The following AMPD3 variants were observed in gnomAD, a reference collection of about 807,000 sequenced individuals.
The protein encoded by AMPD3 is adenosine monophosphate deaminase 3.
AMPD3 carries 57 observed loss-of-function variants against 82.3 expected under a neutral mutation model. The observed-to-expected ratio is 0.69, with a 90% CI of 0.56 to 0.86. The LOEUF (loss-of-function observed/expected upper bound fraction) is 0.86, where lower values mean the gene tolerates loss of function less well. Ranked by LOEUF, AMPD3 falls within the 40% of genes least tolerant of loss-of-function variation. The pLI is 0.00. For synonymous variants in AMPD3, 381 were observed against 394.7 expected, an observed-to-expected ratio of 0.97 and a Z score of 0.41; for missense variants, 870 against 1,003.8, an observed-to-expected ratio of 0.87 and a Z score of 1.80.
intron 6 of AMPD3, 143 bp from the exon 7 acceptor site, chr11:10,493,206 G>C (rs1194937332): frequency 1.2e-5 from 11 of 921,958 alleles, no homozygotes; most frequent in Middle Eastern, 3.2e-4. Flanking sequence ...AGGAGAAATG[G>C]GGGGTGGGAT....
chr11:10,502,155 T>C, intron 12 of AMPD3: 1 of 985,424 alleles, frequency 1.0e-6, no homozygotes, highest in South Asian at 4.7e-5. Context: ...ATTGGCACGA[T>C]GTTTGATCAA....
chr11:10,486,016 T>C (rs1008047099), intron 5 of AMPD3, among the ~76,000 whole-genome samples: 2 of 151,784 alleles, frequency 1.3e-5, no homozygotes, highest in African/African-American at 4.8e-5. Context: ...GAAAGTAGCA[T>C]AGTGAGCCCA....
At chr11:10,451,777 C>T (rs1315931555), upstream of AMPD3, among the ~76,000 whole-genome samples, 1 of 152,232 alleles carries the variant, frequency 6.6e-6, no homozygotes, top group Non-Finnish European at 1.5e-5. Flanking sequence ...TGTTGGCTTT[C>T]CCTCAGGATG....
chr11:10,462,404 G>A (rs1326936051), intron 2 of AMPD3, among the ~76,000 whole-genome samples: 1 of 152,188 alleles, frequency 6.6e-6, no homozygotes, highest in African/African-American at 2.4e-5. Flanking sequence ...GAAAGCAGTA[G>A]TGTTTCTGGA....
chr11:10,482,113 A>G lies in AMPD3; in HGVS notation c.477A>G (p.Leu159=), dbSNP rs746644069. 1.9e-6 allele frequency: 3 copies of G among 1,614,076 alleles called. No homozygotes were observed. The highest frequency in any genetic ancestry group is 2.7e-5 in the African/African-American group (2 of 74,938). The part of the protein sequence containing the change: ...EQAAKSLAKA[L]MIREKYARLA... ...CAGCCAAGAGTCTGGCCAAGGCCCTAATGATCCGGGAGAAGTATGCGCGGC... is the reference window on the plus strand; with the variant it reads ...CAGCCAAGAGTCTGGCCAAGGCCCTGATGATCCGGGAGAAGTATGCGCGGC... Residue 159 remains leucine, a synonymous_variant, in exon 4 of 15, where the codon CTA becomes CTG. Coordinates refer to ENST00000396553, the MANE Select transcript of AMPD3 (RefSeq NM_001025389.2).
chr11:10,493,647 G>A (rs1849306065), intron 7 of AMPD3, 104 bp downstream of exon 7: 2 of 1,309,950 alleles, frequency 1.5e-6, no homozygotes, highest in African/African-American at 2.9e-5. Flanking sequence ...AGGTGCTACG[G>A]AAGCAGCTTT....
At position 10,506,473 on chromosome 11, in the gene AMPD3, C is replaced by T. The variant is rs1264635582; in HGVS notation, c.*589C>T. The T allele has an allele frequency of 6.1e-6, 1 of 163,960 alleles. No individual in the cohort carries two copies. Among genetic ancestry groups the T allele is most frequent in the Non-Finnish European group, 1.3e-5 (1 of 74,654 alleles). The allele number at this position is 163,960 out of a possible 1,614,324, so 10.2% of individuals were successfully genotyped here. ...AGCCAAATGTACTCATGAAAACAGC[C>T]ACTCCTATTCTGAGTCTTGGTTTCT... On this transcript the variant is annotated 3_prime_UTR_variant, in exon 15 of 15. Transcript: ENST00000396553. This position sits in a 1 kb window ranked among gnomAD's most constrained non-coding sequence, Gnocchi z 4.1.
intron 12 of AMPD3, chr11:10,502,505 G>C (rs1295463667): frequency 1.0e-6 from 1 of 985,362 alleles, no homozygotes; most frequent in Non-Finnish European, 1.2e-6. Flanking sequence ...GCACCAGGGA[G>C]GGCTGGCATG....
chr11:10,500,239 A>T lies in AMPD3; in HGVS notation c.1711A>T (p.Asn571Tyr). 1 of 1,614,216 alleles carries T rather than the reference A, an allele frequency of 6.2e-7. No homozygotes were observed. The highest frequency in any genetic ancestry group is 8.5e-7 in the Non-Finnish European group (1 of 1,180,036). Residue 571 changes from asparagine to tyrosine, a missense_variant, in exon 11 of 15, where the codon AAC becomes TAC. By Grantham distance (143) the Asn-to-Tyr change is moderately radical. Coordinates refer to ENST00000396553, the MANE Select transcript of AMPD3 (RefSeq NM_001025389.2). ...GTATGCCAACATCATGGTGCTCAAC[A>T]ACCTCCGCAGGTGCGTGAGGCCTGC... Reference protein sequence around the residue: ...YMYANIMVLNNLRRERGLSTF... With the variant: ...YMYANIMVLNYLRRERGLSTF...
At chr11:10,476,144 A>G (rs1014451262) in intron 2 of AMPD3, among the ~76,000 whole-genome samples, 2 of 152,186 alleles carry the variant, frequency 1.3e-5, no homozygotes, top group African/African-American at 4.8e-5. Context: ...AGCTTTTCCA[A>G]TTTCCTGAGA....
intron 3 of AMPD3, among the ~76,000 whole-genome samples, chr11:10,480,147 G>C (rs897050998): frequency 6.6e-6 from 1 of 152,284 alleles, no homozygotes; most frequent in South Asian, 2.1e-4. Context: ...GTGTCTGTGA[G>C]AGGCAGGCTG....
chr11:10,503,654 A>C (rs1453823975), intron 13 of AMPD3, among the ~76,000 whole-genome samples: 2 of 152,246 alleles, frequency 1.3e-5, no homozygotes, highest in African/African-American at 2.4e-5. Flanking sequence ...CACATCAATA[A>C]ACCAATGAAA....
intron 10 of AMPD3, among the ~76,000 whole-genome samples, chr11:10,498,067 T>C: frequency 6.6e-6 from 1 of 152,194 alleles, no homozygotes; most frequent in East Asian, 1.9e-4. Context: ...TGGAATGCGT[T>C]TCCAGGCAGG....
intron 11 of AMPD3, chr11:10,500,875 C>G: frequency 1.2e-5 from 12 of 985,460 alleles, no homozygotes; most frequent in Non-Finnish European, 1.4e-5. Context: ...CCCTACAAGT[C>G]TTGCATCCCA....
At chr11:10,493,176 A>G (rs1849288144) in intron 6 of AMPD3, among the ~76,000 whole-genome samples, 173 bp from the exon 7 acceptor site, 1 of 152,140 alleles carries the variant, frequency 6.6e-6, no homozygotes, top group Non-Finnish European at 1.5e-5. Flanking sequence ...AAAGGGAGGG[A>G]TACCAGTTCC....
chr11:10,478,933 G>A lies in AMPD3; in HGVS notation c.426+203G>A, dbSNP rs190677285. On this transcript the variant is annotated intron_variant, in intron 3 of 14. Coordinates refer to ENST00000396553, the MANE Select transcript of AMPD3 (RefSeq NM_001025389.2). ...GTGTCTCGGTGGCTGCCTGTTCCCC[G>A]TGAGGAGGGTCCCGGGGTGCAGGCT... is the stretch of plus-strand genomic sequence containing the variant. Among the ~76,000 whole-genome samples the A allele has an allele frequency of 4.1e-5, 6 of 144,742 alleles. 1 individual carries two copies. The highest frequency in any genetic ancestry group is 7.7e-5 in the African/African-American group (3 of 38,934). The allele number at this position is 144,742 out of a possible 152,430, so 95.0% of individuals were successfully genotyped here. A position where few individuals can be genotyped will look rare whatever the true frequency, so the allele number is the denominator to read the frequency against.
In AMPD3 at chr11:10,488,187, C is replaced by T. The variant is rs183752290; in HGVS notation, c.939+823C>T. 70 of 985,144 alleles carry T rather than the reference C, an allele frequency of 7.1e-5. No individual in the cohort carries two copies. The South Asian group carries it at 1.5e-3, about 20-fold the overall frequency. The allele number at this position is 985,144 out of a possible 1,614,324, so 61.0% of individuals were successfully genotyped here. ...TCTCCGCCTGCAGGGGCCGCAACTG[C>T]GGTAGGAGCGAAGGTTAAATGATCA... On this transcript the variant is annotated intron_variant, in intron 6 of 14. Coordinates refer to ENST00000396553, the MANE Select transcript of AMPD3 (RefSeq NM_001025389.2).
upstream of AMPD3, among the ~76,000 whole-genome samples, chr11:10,451,335 C>G (rs760327310): frequency 5.3e-5 from 8 of 152,250 alleles, no homozygotes; most frequent in Admixed American, 3.9e-4. Flanking sequence ...ATTAAGGGAC[C>G]TGGGACTTGC....
chr11:10,484,839 G>A lies in AMPD3; in HGVS notation c.609G>A (p.Leu203=). ...TTGCAGACTTCCACCCTCCTCCACT[G>A]CCCCAGGAAGACCCCTACTGCCTGG... The part of the protein sequence containing the change: ...EGLPDFHPPP[L]PQEDPYCLDD... The change falls in exon 5 of 15, where the codon CTG becomes CTA. Residue 203 remains leucine, a synonymous_variant. Coordinates refer to ENST00000396553, the MANE Select transcript of AMPD3 (RefSeq NM_001025389.2). 6.2e-7 allele frequency: 1 copy of A among 1,613,978 alleles called. No individual in the cohort carries two copies. The highest frequency in any genetic ancestry group is 8.5e-7 in the Non-Finnish European group (1 of 1,180,008).
Sources: allele counts gnomAD v4.1 joint callset (sites outside exome capture counted in the v4.1 genomes callset), GRCh38; gene constraint gnomAD v4.1.1; non-coding constraint Gnocchi (gnomAD v3.1); transcripts MANE v1.5; gene names NCBI Gene and HGNC (gene_info 2026-07-23, HGNC 2026-07-21).